Variants in SLC38A2 observed in about 807,000 individuals in gnomAD.
The protein encoded by SLC38A2 is solute carrier family 38 member 2.
A neutral mutation model predicts 61.5 loss-of-function variants in SLC38A2; 11 were observed. The ratio of observed to expected loss-of-function variants is 0.18; its 90% CI spans 0.11 to 0.30. The LOEUF is 0.30. Among genes scored for constraint, SLC38A2 ranks in the 10% least tolerant of loss-of-function variants. The pLI, the probability that SLC38A2 is intolerant of heterozygous loss-of-function variation, is 1.00. For synonymous variants in SLC38A2, 217 were observed against 212.5 expected, an observed-to-expected ratio of 1.02 and a Z score of -0.18; for missense variants, 522 against 600.4, an observed-to-expected ratio of 0.87 and a Z score of 1.36.
chr12:46,367,985 AC>A (rs1314248269), intron 4 of SLC38A2, among the ~76,000 whole-genome samples: 1 of 152,132 alleles, frequency 6.6e-6, no homozygotes, highest in Non-Finnish European at 1.5e-5. Flanking sequence ...CGAAGGAAAA[AC>A]AAAAAGCCAG....
Position 46,367,065 on chromosome 12 carries a change from A to G in SLC38A2, c.481+11T>C. The G allele has an allele frequency of 6.2e-7, 1 of 1,613,474 alleles. No individual in the cohort carries two copies. The highest frequency in any genetic ancestry group is 8.5e-7 in the Non-Finnish European group (1 of 1,179,614). ...AAAGTCTACCCAAATAATCTTTTGA[A>G]AAATTCTTACCTCCAATGTTCTGCA... On this transcript the variant is annotated intron_variant, in intron 6 of 15. Coordinates refer to ENST00000256689, the MANE Select transcript of SLC38A2 (RefSeq NM_018976.5).
At chr12:46,370,343 G>A (rs569154489) in intron 4 of SLC38A2, among the ~76,000 whole-genome samples, 169 bp downstream of exon 4, 1 of 152,242 alleles carries the variant, frequency 6.6e-6, no homozygotes, top group East Asian at 1.9e-4. Flanking sequence ...TTGATATTGT[G>A]CAGTATGTAG....
intron 7 of SLC38A2, among the ~76,000 whole-genome samples, chr12:46,366,629 G>C (rs1943141001): frequency 6.6e-6 from 1 of 152,116 alleles, no homozygotes; most frequent in African/African-American, 2.4e-5. Context: ...GCAAGTTCTA[G>C]AAAACCTGTT....
chr12:46,365,441 G>A, intron 7 of SLC38A2: 1 of 547,214 alleles, frequency 1.8e-6, no homozygotes, highest in Non-Finnish European at 3.2e-6. Flanking sequence ...TGGGAAGGCT[G>A]CCAGCTGATT....
chr12:46,364,784 A>C (rs1375274817), intron 8 of SLC38A2, 82 bp from the exon 9 acceptor site: 1 of 1,378,758 alleles, frequency 7.3e-7, no homozygotes, highest in Non-Finnish European at 1.0e-6. Flanking sequence ...TGAATAACTC[A>C]ATTCTGCTGG....
intron 4 of SLC38A2, among the ~76,000 whole-genome samples, chr12:46,367,631 C>T (rs1468093337): frequency 6.6e-6 from 1 of 152,164 alleles, no homozygotes; most frequent in East Asian, 1.9e-4. Context: ...GCTCAACTTC[C>T]CAGTGATGGA....
chr12:46,372,539 T>C lies in SLC38A2; in HGVS notation c.-117A>G. 2.6e-6 allele frequency: 1 copy of C among 385,712 alleles called. No homozygotes were observed. The allele number at this position is 385,712 out of a possible 1,614,324, so 23.9% of individuals were successfully genotyped here. ...TGGTCTCTATTCTCACGCAGACGTC[T>C]TCAGTGGGTTTCTCTCAGTCAAATA... On this transcript the variant is annotated 5_prime_UTR_variant, in exon 1 of 16. Coordinates refer to ENST00000256689, the MANE Select transcript of SLC38A2 (RefSeq NM_018976.5).
chr12:46,370,916 A>G, intron 2 of SLC38A2, 59 bp from the exon 3 acceptor site: 2 of 1,302,426 alleles, frequency 1.5e-6, no homozygotes, highest in South Asian at 2.6e-5. Context: ...ATCATTACAC[A>G]CAAGACTGCT....
rs1943143854 is a variant in SLC38A2 at position 46,366,884 on chromosome 12, C to T, written c.543G>A (p.Thr181=). 4 of 1,613,410 alleles carry T rather than the reference C, an allele frequency of 2.5e-6. No individual in the cohort carries two copies. Among genetic ancestry groups the T allele is most frequent in the Non-Finnish European group, 3.4e-6 (4 of 1,179,830 alleles). The part of the protein sequence containing the change: ...YELPLVIQAL[T]NIEDKTGLWY... ...CCTACCCAGTTTTATCTTCAATGTT[C>T]GTTAATGCCTGGATCACCAAAGGCA... The change falls in exon 7 of 16, where the codon ACG becomes ACA. Residue 181 remains threonine (T), a synonymous_variant. Coordinates refer to ENST00000256689, the MANE Select transcript of SLC38A2 (RefSeq NM_018976.5).
At chr12:46,372,441 G>T (rs1411430786) in intron 1 of SLC38A2, 68 bp downstream of exon 1, 1 of 346,704 alleles carries the variant, frequency 2.9e-6, no homozygotes, top group Non-Finnish European at 5.2e-6. Context: ...GGCCCCTCCC[G>T]GAAGCCCCTC....
Position 46,372,650 on chromosome 12 carries a change from T to C in SLC38A2, c.-228A>G. The C allele has an allele frequency of 2.5e-6, 1 of 398,472 alleles. No individual in the cohort carries two copies. The highest frequency in any genetic ancestry group is 4.4e-6 in the Non-Finnish European group (1 of 225,972). 24.7% of individuals were successfully genotyped at this position (398,472 alleles called of 1,614,324 possible). A position where few individuals can be genotyped will look rare whatever the true frequency, so the allele number is the denominator to read the frequency against. ...TTTAATAAAAAAGGAAAAGACAAAT[T>C]GCCGCCCCAATCCTCCGGCGTCCGC... On this transcript the variant is annotated 5_prime_UTR_variant, in exon 1 of 16. Coordinates refer to ENST00000256689, the MANE Select transcript of SLC38A2 (RefSeq NM_018976.5).
chr12:46,364,831 A>G (rs1022654962), intron 8 of SLC38A2, 129 bp from the exon 9 acceptor site: 1 of 800,294 alleles, frequency 1.2e-6, no homozygotes, highest in African/African-American at 1.8e-5. Flanking sequence ...TATAGCACTA[A>G]ATTTCTAATT....
In SLC38A2 at chr12:46,371,390, A is replaced by C; in HGVS notation, c.-86-11T>G. 1.0e-6 allele frequency: 1 copy of C among 973,656 alleles called. No individual in the cohort carries two copies. Among genetic ancestry groups the C allele is most frequent in the Non-Finnish European group, 1.6e-6 (1 of 626,212 alleles). 60.3% of individuals were successfully genotyped at this position (973,656 alleles called of 1,614,324 possible). A position where few individuals can be genotyped will look rare whatever the true frequency, so the allele number is the denominator to read the frequency against. On this transcript the variant is annotated splice_polypyrimidine_tract_variant and intron_variant, in intron 1 of 15. Coordinates refer to ENST00000256689, the MANE Select transcript of SLC38A2 (RefSeq NM_018976.5). Reference sequence around the variant, plus strand: ...GGCCCGCGAGTCGGCCTGCGAAAGTAGAGGCGGCGCGTCAGGACCGCAGCG... The same window carrying C: ...GGCCCGCGAGTCGGCCTGCGAAAGTCGAGGCGGCGCGTCAGGACCGCAGCG...
intron 6 of SLC38A2, 35 bp downstream of exon 6, chr12:46,367,039 TAA>T (rs1565828956): frequency 6.2e-6 from 10 of 1,606,494 alleles, no homozygotes; most frequent in Non-Finnish European, 8.5e-6. Flanking sequence ...ACAATGAGCA[TAA>T]AGTCTACCCA....
At chr12:46,368,891 T>TA (rs1459201983) in intron 4 of SLC38A2, among the ~76,000 whole-genome samples, 1 of 152,212 alleles carries the variant, frequency 6.6e-6, no homozygotes, top group Non-Finnish European at 1.5e-5. Flanking sequence ...TGATTCTACT[T>TA]AAACAGGTTA....
At chr12:46,367,927 G>C (rs1815071608) in intron 4 of SLC38A2, among the ~76,000 whole-genome samples, 1 of 151,970 alleles carries the variant, frequency 6.6e-6, no homozygotes, top group Non-Finnish European at 1.5e-5. Context: ...GAGGCCAGGA[G>C]TTCGAGATCA....
Position 46,360,968 on chromosome 12 carries a change from C to T in SLC38A2, c.*143G>A, listed in dbSNP as rs1357929832. 3 of 608,506 alleles carry T rather than the reference C, an allele frequency of 4.9e-6. No individual in the cohort carries two copies. Among genetic ancestry groups the T allele is most frequent in the Non-Finnish European group, 8.5e-6 (3 of 354,950 alleles). The allele number at this position is 608,506 out of a possible 1,614,324, so 37.7% of individuals were successfully genotyped here. On this transcript the variant is annotated 3_prime_UTR_variant, in exon 16 of 16. Transcript: ENST00000256689. ...AAACAAAACAAAACAAAAAAGTTCACTTATTCTGCACTCAGAAGAACCAGC... is the reference window on the plus strand; with the variant it reads ...AAACAAAACAAAACAAAAAAGTTCATTTATTCTGCACTCAGAAGAACCAGC...
Position 46,360,884 on chromosome 12 carries a change from C to T in SLC38A2, c.*227G>A, listed in dbSNP as rs951994426. 33 of 477,780 alleles carry T rather than the reference C, an allele frequency of 6.9e-5. No homozygotes were observed. Among genetic ancestry groups the T allele is most frequent in the African/African-American group, 5.0e-4 (25 of 50,068 alleles). The allele number at this position is 477,780 out of a possible 1,614,324, so 29.6% of individuals were successfully genotyped here. Reference sequence around the variant, plus strand: ...AATAAAATTGTCACTTCCCTTAACCCGAGACTCGTGGTTTTGTTGTTCATA... The same window carrying T: ...AATAAAATTGTCACTTCCCTTAACCTGAGACTCGTGGTTTTGTTGTTCATA... On this transcript the variant is annotated 3_prime_UTR_variant, in exon 16 of 16. Transcript: ENST00000256689.
intron 4 of SLC38A2, 61 bp downstream of exon 4, chr12:46,370,451 A>G: frequency 1.5e-6 from 2 of 1,295,706 alleles, no homozygotes; most frequent in Non-Finnish European, 2.2e-6. Flanking sequence ...TTCTGGAGCC[A>G]AAATATGTTT....
Sources: gnomAD v4.1 joint callset for allele counts (sites outside exome capture counted in the v4.1 genomes callset) on GRCh38, gnomAD v4.1.1 for gene constraint, MANE v1.5 for transcripts, NCBI Gene and HGNC (gene_info 2026-07-23, HGNC 2026-07-21) for gene names.